Variants in CADPS observed in about 807,000 individuals in gnomAD.
CADPS encodes calcium-dependent secretion activator 1.
In CADPS, 57 loss-of-function variants were observed where a neutral mutation model predicts 167.3. That is an observed-to-expected ratio of 0.34 (90% CI 0.28 to 0.42). The LOEUF (loss-of-function observed/expected upper bound fraction) is 0.42. Among genes scored for constraint, CADPS ranks in the 20% least tolerant of loss-of-function variants. CADPS has a pLI of 1.00. For synonymous variants in CADPS, 676 were observed against 635.3 expected, an observed-to-expected ratio of 1.06 and a Z score of -0.96; for missense variants, 1,414 against 1,738.1, an observed-to-expected ratio of 0.81 and a Z score of 3.32.
In CADPS at chr3:62,475,612, A is replaced by AC. The variant is rs5849480; in HGVS notation, c.3330-1293dup. 5.2e-4 allele frequency among the ~76,000 whole-genome samples: 76 copies of AC among 145,832 alleles called. 1 individual carries two copies. The highest frequency in any genetic ancestry group is 9.2e-4 in the Non-Finnish European group (61 of 66,282). On this transcript the variant is annotated intron_variant, in intron 23 of 29. Coordinates refer to ENST00000383710, the MANE Select transcript of CADPS (RefSeq NM_003716.4). ...AAAAAAAAAAAAAAAAAAAAAAAAAACACCTAAAAATCCCAAACCCTTAAA... is the reference window on the plus strand; with the variant it reads ...AAAAAAAAAAAAAAAAAAAAAAAAAACCACCTAAAAATCCCAAACCCTTAAA...
chr3:62,472,992 C>G (rs562760424), intron 24 of CADPS, among the ~76,000 whole-genome samples: 1 of 152,164 alleles, frequency 6.6e-6, no homozygotes, highest in Admixed American at 6.5e-5. Flanking sequence ...TAGACCACAC[C>G]GCAGACCTAT....
chr3:62,744,369 A>AT (rs1019633499), intron 3 of CADPS, among the ~76,000 whole-genome samples: 2 of 151,898 alleles, frequency 1.3e-5, no homozygotes, highest in Non-Finnish European at 2.9e-5. Flanking sequence ...AAAAAAAAAA[A>AT]GGATTGAAAC....
chr3:62,854,848 T>C (rs904683521), intron 1 of CADPS, among the ~76,000 whole-genome samples: 13 of 152,166 alleles, frequency 8.5e-5, no homozygotes, highest in Non-Finnish European at 1.8e-4. Flanking sequence ...AAGTTGACTG[T>C]CCTTTATATT....
chr3:62,434,379 T>C (rs79089883), intron 28 of CADPS, among the ~76,000 whole-genome samples: 1,836 of 152,282 alleles, frequency 0.012, 39 homozygotes, highest in African/African-American at 0.041. Flanking sequence ...TTAGTTTTTT[T>C]CTTAGGTGCG....
intron 1 of CADPS, among the ~76,000 whole-genome samples, chr3:62,806,042 T>C (rs978095927): frequency 6.6e-6 from 1 of 152,110 alleles, no homozygotes; most frequent in African/African-American, 2.4e-5. Flanking sequence ...CAACCTTCTT[T>C]AAATAATCCC....
chr3:62,576,788 T>TTAAAAAAAAAAAAAAAA (rs1553936618), intron 8 of CADPS, among the ~76,000 whole-genome samples: 1 of 29,876 alleles, frequency 3.3e-5, no homozygotes, highest in Admixed American at 5.7e-4. Flanking sequence ...AGACTCTGTC[T>TTAAAAAAAAAAAAAAAA]AAAAAAAAAA....
In CADPS at chr3:62,662,412, C is replaced by T. The variant is rs2073460063; in HGVS notation, c.889-18G>A. 2 of 1,612,444 alleles carry T rather than the reference C, an allele frequency of 1.2e-6. No individual in the cohort carries two copies. The highest frequency in any genetic ancestry group is 1.7e-6 in the Non-Finnish European group (2 of 1,178,638). ...TTGTCCAGCTGCACAAAAGCACAGA[C>T]ATTGAGACTTTTAGTTTGGGTCACA... is the stretch of plus-strand genomic sequence containing the variant. On this transcript the variant is annotated intron_variant, in intron 3 of 29. Transcript: ENST00000383710.
intron 3 of CADPS, among the ~76,000 whole-genome samples, chr3:62,749,140 CTA>C (rs1564630111): frequency 6.6e-6 from 1 of 152,082 alleles, no homozygotes; most frequent in Non-Finnish European, 1.5e-5. Flanking sequence ...TGAATTTCTT[CTA>C]TGAGATTTAT....
intron 3 of CADPS, among the ~76,000 whole-genome samples, chr3:62,697,823 T>G (rs921191951): frequency 6.6e-6 from 1 of 152,160 alleles, no homozygotes; most frequent in Non-Finnish European, 1.5e-5. Context: ...GGTATCACAT[T>G]GTGGTTTTGA....
intron 4 of CADPS, 95 bp from the exon 5 acceptor site, chr3:62,651,175 T>C (rs1008854199): frequency 2.5e-6 from 2 of 814,888 alleles, no homozygotes; most frequent in Non-Finnish European, 4.0e-6. Flanking sequence ...TAGAATCACA[T>C]CTACTACTAG....
At chr3:62,656,540 C>T (rs1187281229) in intron 4 of CADPS, among the ~76,000 whole-genome samples, 4 of 152,160 alleles carry the variant, frequency 2.6e-5, no homozygotes, top group Non-Finnish European at 5.9e-5. Flanking sequence ...TGAGGCAACT[C>T]TGGGGGTTCT....
chr3:62,729,500 C>G (rs1259302039), intron 3 of CADPS, among the ~76,000 whole-genome samples: 1 of 151,884 alleles, frequency 6.6e-6, no homozygotes, highest in Non-Finnish European at 1.5e-5. Context: ...AGAGCTCAGT[C>G]TTTAATATCA....
At position 62,533,146 on chromosome 3, in the gene CADPS, A is replaced by T. The variant is rs1372788325; in HGVS notation, c.2104-88T>A. ...GAGTTGGGAGTGGCTAGAGAAGGGG[A>T]CTGAAAAATAGCCAGAGCTAACACT... is the stretch of plus-strand genomic sequence containing the variant. On this transcript the variant is annotated intron_variant, in intron 12 of 29. Transcript: ENST00000383710. The T allele has an allele frequency of 2.7e-6, 3 of 1,122,940 alleles. No individual in the cohort carries two copies. The African/African-American group carries it at 4.7e-5, about 17-fold the overall frequency. 69.6% of individuals were successfully genotyped at this position (1,122,940 alleles called of 1,614,324 possible).
intron 8 of CADPS, among the ~76,000 whole-genome samples, chr3:62,573,094 C>G (rs1401949087): frequency 6.6e-6 from 1 of 152,132 alleles, no homozygotes; most frequent in Non-Finnish European, 1.5e-5. Context: ...GTTGACTAGG[C>G]TGGTCTCGAA....
rs367927794 is a variant in CADPS, at chr3:62,871,541, G to A, written c.441+3048C>T. ...GCCAGTATCTCATATTAAAAAGATA[G>A]GATTTGGAATCAGAATGTTTCACAC... On this transcript the variant is annotated intron_variant, in intron 1 of 29. Coordinates refer to ENST00000383710, the MANE Select transcript of CADPS (RefSeq NM_003716.4). Among the ~76,000 whole-genome samples the A allele has an allele frequency of 7.2e-5, 11 of 152,144 alleles. No individual in the cohort carries two copies. In the East Asian group the frequency reaches 1.7e-3, roughly 24 times the overall value.
chr3:62,687,496 T>C (rs1300310644), intron 3 of CADPS, among the ~76,000 whole-genome samples: 1 of 152,034 alleles, frequency 6.6e-6, no homozygotes, highest in Non-Finnish European at 1.5e-5. Context: ...AAGGACTTTG[T>C]TGTTTTTAAT....
At chr3:62,560,316 A>T (rs911700181) in intron 9 of CADPS, among the ~76,000 whole-genome samples, 1 of 152,204 alleles carries the variant, frequency 6.6e-6, no homozygotes, top group African/African-American at 2.4e-5. Context: ...ACAAGACCAC[A>T]CTAAGTAAAA....
chr3:62,722,336 A>G (rs2075984232), intron 3 of CADPS, among the ~76,000 whole-genome samples: 2 of 152,260 alleles, frequency 1.3e-5, no homozygotes, highest in Admixed American at 1.3e-4. Context: ...CCCTTCAGAC[A>G]GGATCCCGGA....
intron 17 of CADPS, among the ~76,000 whole-genome samples, chr3:62,506,038 A>C (rs2066617227): frequency 6.6e-6 from 1 of 152,210 alleles, no homozygotes; most frequent in Non-Finnish European, 1.5e-5. Flanking sequence ...AATAGTAAAC[A>C]TCATAACTTA....
Sources: gnomAD v4.1 joint callset for allele counts (sites outside exome capture counted in the v4.1 genomes callset) on GRCh38, gnomAD v4.1.1 for gene constraint, MANE v1.5 for transcripts, NCBI Gene and HGNC (gene_info 2026-07-23, HGNC 2026-07-21) for gene names.